NHLH1: variants seen among roughly 807,000 people sequenced by gnomAD.
NHLH1 encodes nescient helix-loop-helix 1, also known as helix-loop-helix protein 1.
NHLH1 carries 3 observed loss-of-function variants against 6.7 expected under a neutral mutation model. The observed-to-expected ratio is 0.44, with a 90% CI of 0.20 to 1.15. The LOEUF (loss-of-function observed/expected upper bound fraction) is 1.15. Ranked by LOEUF, NHLH1 falls within the 50% of genes most tolerant of loss-of-function variation. The pLI is 0.26. For missense variants in NHLH1, 177 were observed against 189.5 expected (o/e 0.93, Z 0.39); for synonymous variants, 92 against 84.2 (o/e 1.09, Z -0.51).
chr1:160,371,230 G>T lies in NHLH1; in HGVS notation c.*97G>T. 1.3e-5 allele frequency: 19 copies of T among 1,496,596 alleles called. No homozygotes were observed. Among genetic ancestry groups the T allele is most frequent in the Non-Finnish European group, 1.5e-5 (17 of 1,124,784 alleles). 92.7% of individuals were successfully genotyped at this position (1,496,596 alleles called of 1,614,324 possible). On this transcript the variant is annotated 3_prime_UTR_variant, in exon 2 of 2. Coordinates refer to ENST00000302101, the MANE Select transcript of NHLH1 (RefSeq NM_005598.4). ...ATCCTCCCCGAGCCCTTATACCTTG[G>T]CATGGAGTCCCAAAGGCCCTGGGCA...
chr1:160,367,553 C>T (rs1649516400), intron 1 of NHLH1, among the ~76,000 whole-genome samples: 1 of 152,110 alleles, frequency 6.6e-6, no homozygotes, highest in Non-Finnish European at 1.5e-5. Flanking sequence ...GAAGTCCTGT[C>T]CTGCAGGCTT....
Position 160,368,045 on chromosome 1 carries a change from A to G in NHLH1, c.-176+708A>G, listed in dbSNP as rs143744218. Among the ~76,000 whole-genome samples, 1,086 of 152,226 alleles carry G rather than the reference A, an allele frequency of 7.1e-3. 17 individuals are homozygous for G. The highest frequency in any genetic ancestry group is 0.025 in the African/African-American group (1,034 of 41,516). ...TGTGTGTACTTGTCATCAGATGTGG[A>G]TGACTTTGCATCCCTCCAGAGCTTC... is the stretch of plus-strand genomic sequence containing the variant. On this transcript the variant is annotated intron_variant, in intron 1 of 1. Coordinates refer to ENST00000302101, the MANE Select transcript of NHLH1 (RefSeq NM_005598.4).
In NHLH1 at chr1:160,371,238, T is replaced by A. The variant is rs907771218; in HGVS notation, c.*105T>A. The stretch of plus-strand genomic sequence containing the variant: ...CGAGCCCTTATACCTTGGCATGGAG[T>A]CCCAAAGGCCCTGGGCACAGGCAGA... On this transcript the variant is annotated 3_prime_UTR_variant, in exon 2 of 2. Coordinates refer to ENST00000302101, the MANE Select transcript of NHLH1 (RefSeq NM_005598.4). 3.4e-6 allele frequency: 5 copies of A among 1,485,318 alleles called. No homozygotes were observed. In the Admixed American group the frequency reaches 1.3e-4, roughly 38 times the overall value. The allele number at this position is 1,485,318 out of a possible 1,614,324, so 92.0% of individuals were successfully genotyped here.
rs947661099 is a variant in NHLH1, at chr1:160,372,214, C to A, written c.*1081C>A. ...ACTCCATGCTGCTGATCCCCACCTG[C>A]GCACTATAGCTCAGGGTCAGCAGTG... On this transcript the variant is annotated 3_prime_UTR_variant, in exon 2 of 2. Coordinates refer to ENST00000302101, the MANE Select transcript of NHLH1 (RefSeq NM_005598.4). 6 of 167,094 alleles carry A rather than the reference C, an allele frequency of 3.6e-5. No individual in the cohort carries two copies. The highest frequency in any genetic ancestry group is 7.2e-5 in the African/African-American group (3 of 41,456). The allele number at this position is 167,094 out of a possible 1,614,324, so 10.4% of individuals were successfully genotyped here. A position where few individuals can be genotyped will look rare whatever the true frequency, so the allele number is the denominator to read the frequency against.
chr1:160,372,368 T>TTTAC lies in NHLH1; in HGVS notation c.*1239_*1242dup, dbSNP rs1557894996. On this transcript the variant is annotated 3_prime_UTR_variant, in exon 2 of 2. Transcript: ENST00000302101. ...ATTTATTTATTTATTCATCTATTTA[T>TTTAC]TTACTTATTTATTTATTTATAAATA... The TTTAC allele has an allele frequency of 8.0e-6, 1 of 125,128 alleles. No homozygotes were observed. The highest frequency in any genetic ancestry group is 4.5e-5 in the African/African-American group (1 of 22,226). 7.8% of individuals were successfully genotyped at this position (125,128 alleles called of 1,614,324 possible).
rs1215715491 is a variant in NHLH1, at chr1:160,370,918, C to T, written c.187C>T (p.Arg63Cys). Residue 63 changes from arginine to cysteine, a missense_variant, in exon 2 of 2, where the codon CGC becomes TGC. Physicochemically the swap from Arg to Cys is radical, Grantham distance 180. Coordinates refer to ENST00000302101, the MANE Select transcript of NHLH1 (RefSeq NM_005598.4). The part of the protein sequence containing the change: ...PGRKDLQHLS[R>C]EERRRRRRAT... ...CCGGAAAGACCTGCAGCATCTGAGC[C>T]GCGAGGAGCGCCGGCGCCGGCGCCG... is the stretch of plus-strand genomic sequence containing the variant. The T allele has an allele frequency of 1.2e-6, 2 of 1,607,302 alleles. No homozygotes were observed. The highest frequency in any genetic ancestry group is 1.7e-6 in the Non-Finnish European group (2 of 1,176,590).
chr1:160,370,521 C>A, intron 1 of NHLH1, 36 bp from the exon 2 acceptor site: 1 of 556,814 alleles, frequency 1.8e-6, no homozygotes, highest in Non-Finnish European at 3.2e-6. Context: ...TTCCCTCCTC[C>A]CTCCGCTGCT....
Position 160,370,698 on chromosome 1 carries a change from G to C in NHLH1, c.-34G>C. The C allele has an allele frequency of 6.2e-7, 1 of 1,606,144 alleles. No homozygotes were observed. Among genetic ancestry groups the C allele is most frequent in the South Asian group, 1.1e-5 (1 of 89,818 alleles). On this transcript the variant is annotated 5_prime_UTR_variant, in exon 2 of 2. Transcript: ENST00000302101. ...GCTCCCAGAGGGAGGGGTGGGGAGGGGATCCTGATCTCACAGGGCAGGGGG... is the reference window on the plus strand; with the variant it reads ...GCTCCCAGAGGGAGGGGTGGGGAGGCGATCCTGATCTCACAGGGCAGGGGG...
rs774214080 is a variant in NHLH1, at chr1:160,371,259, G to A, written c.*126G>A. The A allele has an allele frequency of 1.4e-6, 2 of 1,430,402 alleles. No individual in the cohort carries two copies. The highest frequency in any genetic ancestry group is 1.9e-6 in the Non-Finnish European group (2 of 1,080,996). The allele number at this position is 1,430,402 out of a possible 1,614,324, so 88.6% of individuals were successfully genotyped here. A position where few individuals can be genotyped will look rare whatever the true frequency, so the allele number is the denominator to read the frequency against. On this transcript the variant is annotated 3_prime_UTR_variant, in exon 2 of 2. Transcript: ENST00000302101. The stretch of plus-strand genomic sequence containing the variant: ...GGAGTCCCAAAGGCCCTGGGCACAG[G>A]CAGAGAGCCCACCGGCTGGTCATGA...
intron 1 of NHLH1, among the ~76,000 whole-genome samples, chr1:160,369,593 T>G (rs1180190046): frequency 1.3e-5 from 2 of 152,182 alleles, no homozygotes; most frequent in Admixed American, 1.3e-4. Flanking sequence ...CCAAGACTTA[T>G]TTTTTGTTTG....
Position 160,371,497 on chromosome 1 carries a change from G to T in NHLH1, c.*364G>T. Reference sequence around the variant, plus strand: ...TTCTACCCCTATGTCCAAATTTTCAGCCACCACAGACCTCAGCTGTGTATC... The same window carrying T: ...TTCTACCCCTATGTCCAAATTTTCATCCACCACAGACCTCAGCTGTGTATC... On this transcript the variant is annotated 3_prime_UTR_variant, in exon 2 of 2. Transcript: ENST00000302101. 4.8e-6 allele frequency: 1 copy of T among 208,468 alleles called. No homozygotes were observed. Among genetic ancestry groups the T allele is most frequent in the Non-Finnish European group, 1.0e-5 (1 of 95,408 alleles). The allele number at this position is 208,468 out of a possible 1,614,324, so 12.9% of individuals were successfully genotyped here. A position where few individuals can be genotyped will look rare whatever the true frequency, so the allele number is the denominator to read the frequency against.
Position 160,367,300 on chromosome 1 carries a change from G to T in NHLH1, c.-213G>T, listed in dbSNP as rs1038262689. On this transcript the variant is annotated 5_prime_UTR_variant, in exon 1 of 2. Transcript: ENST00000302101. Reference sequence around the variant, plus strand: ...ACTGGGGCTGTCAACGCTGCCCCTTGTCCTGCCGGCTTGGATCCCCTGACA... The same window carrying T: ...ACTGGGGCTGTCAACGCTGCCCCTTTTCCTGCCGGCTTGGATCCCCTGACA... The T allele has an allele frequency of 6.6e-6, 1 of 152,274 alleles. No individual in the cohort carries two copies. The highest frequency in any genetic ancestry group is 1.5e-5 in the Non-Finnish European group (1 of 68,108). 9.4% of individuals were successfully genotyped at this position (152,274 alleles called of 1,614,324 possible).
At position 160,370,855 on chromosome 1, in the gene NHLH1, G is replaced by C; in HGVS notation, c.124G>C (p.Gly42Arg). 1 of 1,606,418 alleles carries C rather than the reference G, an allele frequency of 6.2e-7. No homozygotes were observed. The highest frequency in any genetic ancestry group is 8.5e-7 in the Non-Finnish European group (1 of 1,177,006). ...TGGTGCCGGGCCTGGGGGTCCGGGA[G>C]GGGGCCAGGCCCGAGGCCCAGAGCC... ...PDGAGPGGPG[G>R]GQARGPEPGE... The change falls in exon 2 of 2, where the codon GGG becomes CGG. Residue 42 changes from glycine to arginine, a missense_variant. Transcript: ENST00000302101.
In NHLH1 at chr1:160,370,965, G is replaced by A. The variant is rs1381246491; in HGVS notation, c.234G>A (p.Thr78=). Residue 78 remains threonine, a synonymous_variant, in exon 2 of 2, where the codon ACG becomes ACA. Coordinates refer to ENST00000302101, the MANE Select transcript of NHLH1 (RefSeq NM_005598.4). ...GCCGCGCCACAGCCAAGTACCGCAC[G>A]GCCCACGCCACGCGAGAACGCATCC... ...RRRRATAKYR[T]AHATRERIRV... 4.3e-6 allele frequency: 7 copies of A among 1,612,448 alleles called. No individual in the cohort carries two copies. Among genetic ancestry groups the A allele is most frequent in the African/African-American group, 4.0e-5 (3 of 74,866 alleles).
rs543143609 is a variant in NHLH1 at position 160,370,705 on chromosome 1, G to A, written c.-27G>A. 2.6e-5 allele frequency: 42 copies of A among 1,609,482 alleles called. No individual in the cohort carries two copies. The highest frequency in any genetic ancestry group is 3.4e-5 in the Non-Finnish European group (40 of 1,178,236). On this transcript the variant is annotated 5_prime_UTR_variant, in exon 2 of 2. Coordinates refer to ENST00000302101, the MANE Select transcript of NHLH1 (RefSeq NM_005598.4). ...GAGGGAGGGGTGGGGAGGGGATCCT[G>A]ATCTCACAGGGCAGGGGGCTTCCAT...
Position 160,371,194 on chromosome 1 carries a change from A to G in NHLH1, c.*61A>G, listed in dbSNP as rs1649618824. On this transcript the variant is annotated 3_prime_UTR_variant, in exon 2 of 2. Coordinates refer to ENST00000302101, the MANE Select transcript of NHLH1 (RefSeq NM_005598.4). ...GGCCCCTTTCCACCGCTCACTGCTT[A>G]GAAAGGCCGCATCCTCCCCGAGCCC... The G allele has an allele frequency of 6.5e-7, 1 of 1,536,110 alleles. No homozygotes were observed. Among genetic ancestry groups the G allele is most frequent in the African/African-American group, 1.4e-5 (1 of 71,666 alleles).
intron 1 of NHLH1, among the ~76,000 whole-genome samples, chr1:160,368,593 T>A (rs56132393): frequency 6.6e-6 from 1 of 151,900 alleles, no homozygotes; most frequent in Non-Finnish European, 1.5e-5. Flanking sequence ...TTGTGCACAG[T>A]GGGGTGGTGG....
In NHLH1 at chr1:160,371,651, G is replaced by A. The variant is rs944247893; in HGVS notation, c.*518G>A. 1 of 167,442 alleles carries A rather than the reference G, an allele frequency of 6.0e-6. No homozygotes were observed. Among genetic ancestry groups the A allele is most frequent in the African/African-American group, 2.4e-5 (1 of 41,394 alleles). The allele number at this position is 167,442 out of a possible 1,614,324, so 10.4% of individuals were successfully genotyped here. A position where few individuals can be genotyped will look rare whatever the true frequency, so the allele number is the denominator to read the frequency against. ...CTCAGTCTCTCAGTGCTTGGCAGAGGGGTGAGGCCCTGGGGAGGCAGGGGT... is the reference window on the plus strand; with the variant it reads ...CTCAGTCTCTCAGTGCTTGGCAGAGAGGTGAGGCCCTGGGGAGGCAGGGGT... On this transcript the variant is annotated 3_prime_UTR_variant, in exon 2 of 2. Coordinates refer to ENST00000302101, the MANE Select transcript of NHLH1 (RefSeq NM_005598.4).
At position 160,371,333 on chromosome 1, in the gene NHLH1, G is replaced by T. The variant is rs936661376; in HGVS notation, c.*200G>T. ...AGGCACCTCGAGGGCTATTCTCCTGGGTTCCTTCCGGGGTTTATTGCTGAG... is the reference window on the plus strand; with the variant it reads ...AGGCACCTCGAGGGCTATTCTCCTGTGTTCCTTCCGGGGTTTATTGCTGAG... On this transcript the variant is annotated 3_prime_UTR_variant, in exon 2 of 2. Transcript: ENST00000302101. 2 of 786,752 alleles carry T rather than the reference G, an allele frequency of 2.5e-6. No homozygotes were observed. The highest frequency in any genetic ancestry group is 1.8e-5 in the African/African-American group (1 of 54,682). The allele number at this position is 786,752 out of a possible 1,614,324, so 48.7% of individuals were successfully genotyped here.
Sources: gnomAD v4.1 joint callset for allele counts (sites outside exome capture counted in the v4.1 genomes callset) on GRCh38, gnomAD v4.1.1 for gene constraint, MANE v1.5 for transcripts, NCBI Gene and HGNC (gene_info 2026-07-23, HGNC 2026-07-21) for gene names.